SGCZ: variants seen among roughly 807,000 people sequenced by gnomAD.
The protein encoded by SGCZ is sarcoglycan zeta, also known as zeta-sarcoglycan.
Under a neutral mutation model 41.3 loss-of-function variants are expected in SGCZ, and 40 were observed. The ratio of observed to expected loss-of-function variants is 0.97; its 90% CI spans 0.75 to 1.26. SGCZ has a LOEUF of 1.26. Ranked by LOEUF, SGCZ falls within the 50% of genes most tolerant of loss-of-function variation. The pLI, the probability that SGCZ is intolerant of heterozygous loss-of-function variation, is 0.00. For missense variants in SGCZ, 552 were observed against 369.8 expected, an observed-to-expected ratio of 1.49 and a Z score of -4.04; for synonymous variants, 206 against 137.5, an observed-to-expected ratio of 1.50 and a Z score of -3.49.
chr8:14,662,408 GAGATAAA>G (rs1807784986), intron 1 of SGCZ, among the ~76,000 whole-genome samples: 1 of 152,134 alleles, frequency 6.6e-6, no homozygotes. Context: ...AGGAAAAAGG[GAGATAAA>G]GCACCCTTGT....
chr8:15,177,047 T>A (rs1800020705), intron 1 of SGCZ, among the ~76,000 whole-genome samples: 1 of 152,200 alleles, frequency 6.6e-6, no homozygotes, highest in African/African-American at 2.4e-5. Context: ...ATGAAAACTA[T>A]ATGTTAACAC....
intron 1 of SGCZ, among the ~76,000 whole-genome samples, chr8:15,236,321 G>A (rs954657653): frequency 6.6e-6 from 1 of 152,210 alleles, no homozygotes; most frequent in African/African-American, 2.4e-5. Flanking sequence ...GCACAGGACA[G>A]GCTGCAGACA....
At chr8:14,312,700 AGAGGAG>A (rs761423593) in intron 3 of SGCZ, among the ~76,000 whole-genome samples, 1 of 151,946 alleles carries the variant, frequency 6.6e-6, no homozygotes, top group African/African-American at 2.4e-5. Flanking sequence ...AGGAGCAGGA[AGAGGAG>A]GAGGAGGAGG....
chr8:15,075,240 G>C (rs1293863301), intron 1 of SGCZ, among the ~76,000 whole-genome samples: 3 of 151,252 alleles, frequency 2.0e-5, no homozygotes, highest in Non-Finnish European at 4.4e-5. Flanking sequence ...AAAAAAAATG[G>C]ATTATCATTC....
intron 2 of SGCZ, among the ~76,000 whole-genome samples, chr8:14,478,792 T>A (rs577147437): frequency 6.6e-6 from 1 of 152,218 alleles, no homozygotes; most frequent in Non-Finnish European, 1.5e-5. Flanking sequence ...ACAGTTCTTA[T>A]TTATTTTCTC....
chr8:14,916,458 T>C (rs540159316), intron 1 of SGCZ, among the ~76,000 whole-genome samples: 3 of 152,184 alleles, frequency 2.0e-5, no homozygotes, highest in African/African-American at 7.2e-5. Context: ...GAAATGTAGA[T>C]ATGATAATGT....
At chr8:14,968,881 C>G (rs906522649) in intron 1 of SGCZ, among the ~76,000 whole-genome samples, 1 of 152,068 alleles carries the variant, frequency 6.6e-6, no homozygotes, top group Non-Finnish European at 1.5e-5. Flanking sequence ...TTTTAATGAC[C>G]TAGATGGCTT....
At chr8:15,144,477 T>C (rs1798983554) in intron 1 of SGCZ, among the ~76,000 whole-genome samples, 1 of 152,188 alleles carries the variant, frequency 6.6e-6, no homozygotes. Flanking sequence ...TTCACTTTTT[T>C]TTTTTTTGAC....
intron 2 of SGCZ, among the ~76,000 whole-genome samples, chr8:14,406,564 G>A (rs886726079): frequency 6.6e-6 from 1 of 152,086 alleles, no homozygotes; most frequent in African/African-American, 2.4e-5. Flanking sequence ...ATTGAGCTAA[G>A]AGGTGGAACT....
At chr8:14,578,625 T>C (rs377325635) in intron 1 of SGCZ, among the ~76,000 whole-genome samples, 2 of 152,184 alleles carry the variant, frequency 1.3e-5, no homozygotes, top group East Asian at 1.9e-4. Flanking sequence ...AAACTGTTGA[T>C]TAATTCTAGG....
chr8:14,860,456 G>T (rs892144810), intron 1 of SGCZ, among the ~76,000 whole-genome samples: 1 of 148,796 alleles, frequency 6.7e-6, no homozygotes, highest in Non-Finnish European at 1.5e-5. Flanking sequence ...AAGAGAGAAG[G>T]AAAGAGAAGA....
chr8:14,591,790 T>C (rs572105766), intron 1 of SGCZ, among the ~76,000 whole-genome samples: 2 of 152,278 alleles, frequency 1.3e-5, no homozygotes, highest in South Asian at 4.1e-4. Context: ...ACTTTTGACA[T>C]TCATGTCAAC....
chr8:14,200,689 T>C (rs1008915626), intron 4 of SGCZ, among the ~76,000 whole-genome samples: 4 of 152,150 alleles, frequency 2.6e-5, no homozygotes, highest in Non-Finnish European at 5.9e-5. Context: ...GATTATAAAC[T>C]AGAAGCCTCA....
chr8:14,944,748 C>T (rs1044297985), intron 1 of SGCZ, among the ~76,000 whole-genome samples: 2 of 152,066 alleles, frequency 1.3e-5, no homozygotes, highest in Admixed American at 6.6e-5. Context: ...TCTGAAAGTG[C>T]GTCCCTTTTC....
At chr8:14,361,773 G>A (rs779648854) in intron 2 of SGCZ, among the ~76,000 whole-genome samples, 6 of 152,270 alleles carry the variant, frequency 3.9e-5, no homozygotes, top group African/African-American at 1.2e-4. Flanking sequence ...CCGGTTTTTG[G>A]AATTTTCAGC....
intron 1 of SGCZ, among the ~76,000 whole-genome samples, chr8:14,577,010 T>A (rs1804731782): frequency 6.6e-6 from 1 of 152,222 alleles, no homozygotes; most frequent in Admixed American, 6.5e-5. Flanking sequence ...TAATTTAGAT[T>A]TGCCATATGA....
At chr8:14,730,869 A>G (rs566500455) in intron 1 of SGCZ, among the ~76,000 whole-genome samples, 1 of 151,968 alleles carries the variant, frequency 6.6e-6, no homozygotes, top group Non-Finnish European at 1.5e-5. Context: ...ATGGCGATCA[A>G]TAAAAAGTCA....
chr8:14,479,435 T>G (rs1457629371), intron 2 of SGCZ, among the ~76,000 whole-genome samples: 1 of 152,126 alleles, frequency 6.6e-6, no homozygotes, highest in Non-Finnish European at 1.5e-5. Context: ...GAGGGTGGGT[T>G]TGGGTCTCCC....
Position 15,237,859 on chromosome 8 carries a change from C to G in SGCZ, c.-236G>C, listed in dbSNP as rs1802191789. ...TCAAAGATTTAGTGACAGGTGATCT[C>G]TACCGCGGTGCAACACAGCTGAGTC... On this transcript the variant is annotated 5_prime_UTR_variant, in exon 1 of 8. Coordinates refer to ENST00000382080, the MANE Select transcript of SGCZ (RefSeq NM_139167.4). The G allele has an allele frequency of 9.7e-6, 5 of 514,584 alleles. No individual in the cohort carries two copies. Among genetic ancestry groups the G allele is most frequent in the Non-Finnish European group, 1.7e-5 (5 of 286,648 alleles). 31.9% of individuals were successfully genotyped at this position (514,584 alleles called of 1,614,324 possible).
Sources: allele counts gnomAD v4.1 joint callset (sites outside exome capture counted in the v4.1 genomes callset), GRCh38; gene constraint gnomAD v4.1.1; transcripts MANE v1.5; gene names NCBI Gene and HGNC (gene_info 2026-07-23, HGNC 2026-07-21).